NRIP1: variants seen among roughly 807,000 people sequenced by gnomAD.
NRIP1 encodes the protein nuclear receptor interacting protein 1, also known as nuclear receptor-interacting protein 1.
A neutral mutation model predicts 75.0 loss-of-function variants in NRIP1; 28 were observed. That is an observed-to-expected ratio of 0.37 (90% CI 0.28 to 0.51). The LOEUF is 0.51. NRIP1 is among the 20% of genes least tolerant of loss of function. NRIP1 has a pLI of 0.92. For synonymous variants in NRIP1, 526 were observed against 487.6 expected (o/e 1.08, Z -1.04); for missense variants, 1,435 against 1,343.7 (o/e 1.07, Z -1.06).
chr21:15,015,682 T>C (rs762037759), intron 2 of NRIP1, among the ~76,000 whole-genome samples: 3 of 152,106 alleles, frequency 2.0e-5, no homozygotes, highest in Non-Finnish European at 4.4e-5. Context: ...AATTAAATTA[T>C]ATGAAATTAT....
rs571929634 is a variant in NRIP1, at chr21:14,972,649, T to C, written c.-334-4123A>G. Among the ~76,000 whole-genome samples, 5 of 152,286 alleles carry C rather than the reference T, an allele frequency of 3.3e-5. No individual in the cohort carries two copies. In the East Asian group the frequency reaches 9.6e-4, roughly 29 times the overall value. The stretch of plus-strand genomic sequence containing the variant: ...AGTCAACACACATTTAATAATTAGG[T>C]TTCTTTAGAGCAGCAGTCCCCAACC... On this transcript the variant is annotated intron_variant, in intron 3 of 3. Transcript: ENST00000318948.
chr21:15,044,992 C>T (rs907810128), intron 1 of NRIP1, among the ~76,000 whole-genome samples: 4 of 152,146 alleles, frequency 2.6e-5, no homozygotes, highest in African/African-American at 7.2e-5. Flanking sequence ...AAAGAGAAGA[C>T]GGTAGTTTTA....
intron 1 of NRIP1, chr21:15,050,405 T>C (rs2089176434): frequency 7.6e-6 from 2 of 264,114 alleles, no homozygotes; most frequent in South Asian, 4.0e-5. Context: ...TCACTGATTA[T>C]GAGGACAATG....
intron 3 of NRIP1, among the ~76,000 whole-genome samples, 153 bp downstream of exon 3, chr21:15,014,191 A>C (rs1031582483): frequency 6.6e-6 from 1 of 152,210 alleles, no homozygotes; most frequent in East Asian, 1.9e-4. Flanking sequence ...TTCATTTTTT[A>C]AACCACATTG....
At chr21:15,001,533 A>C (rs754859700) in intron 3 of NRIP1, among the ~76,000 whole-genome samples, 37 of 152,218 alleles carry the variant, frequency 2.4e-4, no homozygotes, top group Non-Finnish European at 4.3e-4. Context: ...TGTACACTAC[A>C]AGTCTCTATT....
intron 2 of NRIP1, among the ~76,000 whole-genome samples, chr21:15,038,255 A>T (rs1291111884): frequency 6.6e-6 from 1 of 152,076 alleles, no homozygotes; most frequent in East Asian, 1.9e-4. Context: ...GTCTTTAATT[A>T]AATTTTTGTA....
In NRIP1 at chr21:14,961,534, G is replaced by A. The variant is rs1484383086; in HGVS notation, c.*3182C>T. The A allele has an allele frequency of 1.3e-5, 2 of 152,354 alleles. No homozygotes were observed. The highest frequency in any genetic ancestry group is 2.9e-5 in the Non-Finnish European group (2 of 67,882). 9.4% of individuals were successfully genotyped at this position (152,354 alleles called of 1,614,324 possible). A position where few individuals can be genotyped will look rare whatever the true frequency, so the allele number is the denominator to read the frequency against. On this transcript the variant is annotated 3_prime_UTR_variant, in exon 4 of 4. Coordinates refer to ENST00000318948, the MANE Select transcript of NRIP1 (RefSeq NM_003489.4). Reference sequence around the variant, plus strand: ...GATTAAAAAATTCATGAAAGTAGTTGTGTGAATTCTTTATGTTTAAAAGTG... The same window carrying A: ...GATTAAAAAATTCATGAAAGTAGTTATGTGAATTCTTTATGTTTAAAAGTG...
At chr21:15,030,110 T>C (rs8127763) in intron 2 of NRIP1, among the ~76,000 whole-genome samples, 17,945 of 152,114 alleles carry the variant, frequency 0.12, 2,005 homozygotes, top group African/African-American at 0.29. Flanking sequence ...ACCAGTGAAG[T>C]TGACAAGGAA....
At chr21:15,035,811 C>CT (rs1320888143) in intron 2 of NRIP1, among the ~76,000 whole-genome samples, 2 of 152,124 alleles carry the variant, frequency 1.3e-5, no homozygotes, top group Non-Finnish European at 2.9e-5. Flanking sequence ...CCGCCTCGGC[C>CT]TCCCAAAGTG....
chr21:15,032,437 A>C (rs540013877), intron 2 of NRIP1, among the ~76,000 whole-genome samples: 3 of 152,306 alleles, frequency 2.0e-5, no homozygotes, highest in East Asian at 3.9e-4. Context: ...GTAATTGTTT[A>C]GTTATCAGTA....
chr21:15,047,681 T>C (rs962825214), intron 1 of NRIP1, among the ~76,000 whole-genome samples: 3 of 152,162 alleles, frequency 2.0e-5, no homozygotes, highest in African/African-American at 7.2e-5. Flanking sequence ...ATGGGGAGTA[T>C]AGGAACTACA....
chr21:14,985,722 G>T (rs151032615), intron 3 of NRIP1, among the ~76,000 whole-genome samples: 1 of 152,204 alleles, frequency 6.6e-6, no homozygotes, highest in East Asian at 1.9e-4. Context: ...AGGTTAGTAA[G>T]ATCTGGTATG....
chr21:15,036,040 C>G (rs1056402395), intron 2 of NRIP1, among the ~76,000 whole-genome samples: 1 of 152,130 alleles, frequency 6.6e-6, no homozygotes, highest in Non-Finnish European at 1.5e-5. Flanking sequence ...AAAACACTTA[C>G]AAAAGTAACT....
intron 3 of NRIP1, among the ~76,000 whole-genome samples, chr21:14,975,681 A>G (rs973768309): frequency 2.9e-5 from 4 of 139,466 alleles, no homozygotes; most frequent in African/African-American, 9.3e-5. Context: ...GAAAGAAAGA[A>G]AGGGAGGGGA....
chr21:15,064,345 G>T (rs1175469238), intron 1 of NRIP1, among the ~76,000 whole-genome samples: 1 of 152,206 alleles, frequency 6.6e-6, no homozygotes, highest in Non-Finnish European at 1.5e-5. Context: ...CCAGGATCCG[G>T]CTGGACAGCA....
rs879475536 is a variant in NRIP1 at position 15,010,386 on chromosome 21, G to GAAAA, written c.-335+3954_-335+3957dup. ...TCATTTGAAACCTTTCATGGAAAAGGAAAAAAAAAAAAACCTGAGTTGATA... is the reference window on the plus strand; with the variant it reads ...TCATTTGAAACCTTTCATGGAAAAGGAAAAAAAAAAAAAAAAACCTGAGTTGATA... On this transcript the variant is annotated intron_variant, in intron 3 of 3. Coordinates refer to ENST00000318948, the MANE Select transcript of NRIP1 (RefSeq NM_003489.4). Among the ~76,000 whole-genome samples the GAAAA allele has an allele frequency of 7.3e-5, 10 of 137,116 alleles. No individual in the cohort carries two copies. In the South Asian group the frequency reaches 2.3e-3, roughly 32 times the overall value. The allele number at this position is 137,116 out of a possible 152,430, so 90.0% of individuals were successfully genotyped here.
Position 15,032,866 on chromosome 21 carries a change from T to C in NRIP1, c.-458+10629A>G, listed in dbSNP as rs540002951. ...TGATGTAAAAATGATTTTACAAAAA[T>C]ATAAAGTAGTCTGTTTGATTTCAAA... On this transcript the variant is annotated intron_variant, in intron 2 of 3. Coordinates refer to ENST00000318948, the MANE Select transcript of NRIP1 (RefSeq NM_003489.4). Among the ~76,000 whole-genome samples, 6 of 152,262 alleles carry C rather than the reference T, an allele frequency of 3.9e-5. No homozygotes were observed. The South Asian group carries it at 1.2e-3, about 32-fold the overall frequency.
chr21:14,985,062 A>T (rs1305360035), intron 3 of NRIP1, among the ~76,000 whole-genome samples: 1 of 152,230 alleles, frequency 6.6e-6, no homozygotes, highest in Non-Finnish European at 1.5e-5. Context: ...TGAACCTGCA[A>T]TATCTCTGAG....
At chr21:14,973,756 A>G (rs2086969718) in intron 3 of NRIP1, among the ~76,000 whole-genome samples, 1 of 150,698 alleles carries the variant, frequency 6.6e-6, no homozygotes. Flanking sequence ...AGCTCACTGC[A>G]GCCTCAGCCT....
Sources: allele counts gnomAD v4.1 joint callset (sites outside exome capture counted in the v4.1 genomes callset), GRCh38; gene constraint gnomAD v4.1.1; transcripts MANE v1.5; gene names NCBI Gene and HGNC (gene_info 2026-07-23, HGNC 2026-07-21).